UBAP2: variants seen among roughly 807,000 people sequenced by gnomAD.
UBAP2 encodes the protein ubiquitin associated protein 2.
UBAP2 carries 75 observed loss-of-function variants against 139.6 expected under a neutral mutation model. The observed-to-expected ratio is 0.54, with a 90% CI of 0.45 to 0.65. The LOEUF (loss-of-function observed/expected upper bound fraction) is 0.65, where lower values mean the gene tolerates loss of function less well. Ranked by LOEUF, UBAP2 falls within the 30% of genes least tolerant of loss-of-function variation. UBAP2 has a pLI of 0.00. For missense variants in UBAP2, 1,368 were observed against 1,369.6 expected (o/e 1.00, Z 0.02); for synonymous variants, 526 against 526.2 (o/e 1.00, Z 0.01).
chr9:34,023,285 G>A (rs1825121992), intron 1 of UBAP2, among the ~76,000 whole-genome samples: 1 of 151,778 alleles, frequency 6.6e-6, no homozygotes, highest in African/African-American at 2.4e-5. Flanking sequence ...CTCCATACAG[G>A]AGTGCCATCT....
rs533771727 is a variant in UBAP2 at position 33,981,833 on chromosome 9, G to T, written c.520+4927C>A. Among the ~76,000 whole-genome samples the T allele has an allele frequency of 3.0e-5, 4 of 135,346 alleles. No individual in the cohort carries two copies. In the South Asian group the frequency reaches 1.1e-3, roughly 38 times the overall value. The allele number at this position is 135,346 out of a possible 152,430, so 88.8% of individuals were successfully genotyped here. A position where few individuals can be genotyped will look rare whatever the true frequency, so the allele number is the denominator to read the frequency against. On this transcript the variant is annotated intron_variant, in intron 6 of 28. Coordinates refer to ENST00000379238, the MANE Select transcript of UBAP2 (RefSeq NM_001370062.2). ...GTGGAAGGGGGGAAGCGGGGAAGGA[G>T]GGAAGGGGGGAAAGGGAGGGAGGGA...
In UBAP2 at chr9:33,968,180, T is replaced by C. The variant is rs1012164408; in HGVS notation, c.679+3471A>G. 5.6e-5 allele frequency: 34 copies of C among 610,126 alleles called. No homozygotes were observed. In the East Asian group the frequency reaches 1.2e-3, roughly 22 times the overall value. 37.8% of individuals were successfully genotyped at this position (610,126 alleles called of 1,614,324 possible). On this transcript the variant is annotated intron_variant, in intron 8 of 28. Coordinates refer to ENST00000379238, the MANE Select transcript of UBAP2 (RefSeq NM_001370062.2). ...GAATAGAAGAAGAAATCTACTGGGT[T>C]TTGGGATATTTGGTGCATTCGATTG...
chr9:33,932,188 C>T (rs1824040468), intron 19 of UBAP2, among the ~76,000 whole-genome samples: 1 of 152,174 alleles, frequency 6.6e-6, no homozygotes, highest in South Asian at 2.1e-4. Flanking sequence ...TCCACTCCTG[C>T]CCTCCACCAT....
chr9:34,023,043 A>G (rs1201395332), intron 1 of UBAP2, among the ~76,000 whole-genome samples: 1 of 151,818 alleles, frequency 6.6e-6, no homozygotes, highest in African/African-American at 2.4e-5. Context: ...TGGCTAATAC[A>G]GTGAAACCCT....
intron 13 of UBAP2, among the ~76,000 whole-genome samples, chr9:33,946,747 G>A (rs369975942): frequency 6.6e-5 from 10 of 152,174 alleles, no homozygotes; most frequent in Non-Finnish European, 8.8e-5. Context: ...TGGTTTAGGC[G>A]CATTCATTTT....
chr9:33,986,282 G>T (rs1821205298), intron 6 of UBAP2, among the ~76,000 whole-genome samples: 1 of 151,938 alleles, frequency 6.6e-6, no homozygotes, highest in South Asian at 2.1e-4. Flanking sequence ...CTCAAAAAAA[G>T]GGAATAAGTT....
chr9:33,946,328 G>C (rs1287824990), intron 13 of UBAP2, among the ~76,000 whole-genome samples: 1 of 152,024 alleles, frequency 6.6e-6, no homozygotes, highest in African/African-American at 2.4e-5. Flanking sequence ...GCCATACCCA[G>C]AAAGGTCTCC....
Position 34,017,192 on chromosome 9 carries a change from G to T in UBAP2, c.-41-3C>A. 1 of 1,397,256 alleles carries T rather than the reference G, an allele frequency of 7.2e-7. No homozygotes were observed. The highest frequency in any genetic ancestry group is 1.4e-5 in the South Asian group (1 of 71,374). The allele number at this position is 1,397,256 out of a possible 1,614,324, so 86.6% of individuals were successfully genotyped here. On this transcript the variant is annotated splice_polypyrimidine_tract_variant and splice_region_variant and intron_variant, in intron 1 of 28. Coordinates refer to ENST00000379238, the MANE Select transcript of UBAP2 (RefSeq NM_001370062.2). ...AATGTATGTACAAAATAGAAAATCT[G>T]CAAGAAAGTAGGGATGGTAAGCAAA... is the stretch of plus-strand genomic sequence containing the variant.
Position 33,965,156 on chromosome 9 carries a change from A to C in UBAP2, c.680-1365T>G, listed in dbSNP as rs551718365. Among the ~76,000 whole-genome samples the C allele has an allele frequency of 5.3e-5, 8 of 152,294 alleles. No homozygotes were observed. The South Asian group carries it at 1.2e-3, about 24-fold the overall frequency. ...CACCAGTCTCCGTGTTAAAACAGAA[A>C]ATTTACCATTTCTGACCCTCTCCAA... is the stretch of plus-strand genomic sequence containing the variant. On this transcript the variant is annotated intron_variant, in intron 8 of 28. Transcript: ENST00000379238.
chr9:34,026,612 G>C (rs770844490), intron 1 of UBAP2, among the ~76,000 whole-genome samples: 1 of 152,052 alleles, frequency 6.6e-6, no homozygotes, highest in Non-Finnish European at 1.5e-5. Context: ...AAAACCAATG[G>C]TAATGACAAT....
intron 27 of UBAP2, 31 bp downstream of exon 27, chr9:33,922,935 C>T: frequency 1.2e-6 from 2 of 1,614,092 alleles, no homozygotes; most frequent in Non-Finnish European, 1.7e-6. Flanking sequence ...CTCTCAAAAA[C>T]CTATACACCC....
intron 2 of UBAP2, among the ~76,000 whole-genome samples, 163 bp from the exon 3 acceptor site, chr9:33,999,027 A>G (rs530240388): frequency 1.3e-5 from 2 of 152,314 alleles, no homozygotes; most frequent in African/African-American, 4.8e-5. Context: ...ACCTGTTCCC[A>G]TAGGAAAAAT....
intron 2 of UBAP2, among the ~76,000 whole-genome samples, chr9:34,012,550 G>A (rs890093178): frequency 1.2e-4 from 18 of 147,874 alleles, no homozygotes; most frequent in African/African-American, 4.4e-4. Context: ...AAGGCATTAT[G>A]AGGACCATTG....
intron 6 of UBAP2, among the ~76,000 whole-genome samples, chr9:33,982,933 G>A (rs1179745889): frequency 6.7e-6 from 1 of 149,628 alleles, no homozygotes; most frequent in Middle Eastern, 3.2e-3. Flanking sequence ...AGGCCGGAGT[G>A]CCATGGCATG....
chr9:33,924,344 G>C (rs72727331), intron 22 of UBAP2, 60 bp from the exon 23 acceptor site: 1 of 1,526,916 alleles, frequency 6.5e-7, no homozygotes, highest in South Asian at 1.1e-5. Flanking sequence ...CAGGAGAGCA[G>C]AACCAGCACA....
intron 1 of UBAP2, among the ~76,000 whole-genome samples, chr9:34,043,832 A>AG (rs1301230079): frequency 0.014 from 136 of 9,450 alleles, 6 homozygotes; most frequent in Admixed American, 0.11. Context: ...TCCATGTTTC[A>AG]GGGGGAAAAA....
At chr9:33,970,154 A>G (rs1344162529) in intron 8 of UBAP2, among the ~76,000 whole-genome samples, 656 of 149,684 alleles carry the variant, frequency 4.4e-3, no homozygotes, top group Non-Finnish European at 7.2e-3. Flanking sequence ...GGCTGGTCTC[A>G]AACTCCTGAG....
chr9:33,968,433 C>G (rs1827636195), intron 8 of UBAP2: 5 of 560,798 alleles, frequency 8.9e-6, no homozygotes, highest in African/African-American at 3.8e-5. Flanking sequence ...ATAGTCATGG[C>G]CGAGGGCATG....
intron 2 of UBAP2, among the ~76,000 whole-genome samples, chr9:34,004,778 T>C (rs1823038418): frequency 6.9e-6 from 1 of 145,790 alleles, no homozygotes; most frequent in African/African-American, 2.5e-5. Flanking sequence ...AGCGAGATTC[T>C]GTCTCCAAAA....
Sources: gnomAD v4.1 joint callset for allele counts (sites outside exome capture counted in the v4.1 genomes callset) on GRCh38, gnomAD v4.1.1 for gene constraint, MANE v1.5 for transcripts, NCBI Gene and HGNC (gene_info 2026-07-23, HGNC 2026-07-21) for gene names.